RSRC1: variants seen among roughly 807,000 people sequenced by gnomAD.
RSRC1 encodes the protein arginine and serine rich coiled-coil 1.
A neutral mutation model predicts 49.1 loss-of-function variants in RSRC1; 39 were observed. That is an observed-to-expected ratio of 0.79 (90% CI 0.61 to 1.04). RSRC1 has a LOEUF of 1.04. Ranked by LOEUF, RSRC1 falls within the 50% of genes least tolerant of loss-of-function variation. The pLI, the probability that RSRC1 is intolerant of heterozygous loss-of-function variation, is 0.00. For missense variants in RSRC1, 388 were observed against 402.4 expected, an observed-to-expected ratio of 0.96 and a Z score of 0.31; for synonymous variants, 143 against 130.8, an observed-to-expected ratio of 1.09 and a Z score of -0.63.
intron 4 of RSRC1, among the ~76,000 whole-genome samples, chr3:158,252,607 T>A (rs1578246198): frequency 6.6e-6 from 1 of 152,206 alleles, no homozygotes; most frequent in Non-Finnish European, 1.5e-5. Context: ...CCTCATAAAA[T>A]GGGTTTGGAA....
chr3:158,408,757 C>T lies in RSRC1; in HGVS notation c.584-52178C>T, dbSNP rs1291376988. On this transcript the variant is annotated intron_variant, in intron 6 of 9. Transcript: ENST00000611884. ...ACTTATAAGTGGGAGCCAGGCCAGG[C>T]GTGGTGGCTCGTGCCTGTAATCCCA... Among the ~76,000 whole-genome samples the T allele has an allele frequency of 2.6e-5, 4 of 152,038 alleles. No individual in the cohort carries two copies. In the South Asian group the frequency reaches 6.2e-4, roughly 24 times the overall value.
intron 4 of RSRC1, among the ~76,000 whole-genome samples, chr3:158,210,337 T>C (rs1025955385): frequency 2.0e-5 from 3 of 152,070 alleles, no homozygotes; most frequent in African/African-American, 7.2e-5. Flanking sequence ...GGATAACATG[T>C]CTTCATGCAA....
At chr3:158,475,444 C>T (rs1286049829) in intron 7 of RSRC1, among the ~76,000 whole-genome samples, 3 of 152,076 alleles carry the variant, frequency 2.0e-5, no homozygotes, top group Non-Finnish European at 4.4e-5. Flanking sequence ...TGTTTTTTTA[C>T]AGATTGAAGG....
At chr3:158,258,982 C>T (rs1724732698) in intron 4 of RSRC1, among the ~76,000 whole-genome samples, 1 of 152,132 alleles carries the variant, frequency 6.6e-6, no homozygotes, top group Non-Finnish European at 1.5e-5. Context: ...ATTTTGTTCA[C>T]CTTCCTTACA....
intron 1 of RSRC1, among the ~76,000 whole-genome samples, chr3:158,111,823 G>A (rs931427926): frequency 6.6e-6 from 1 of 152,190 alleles, no homozygotes; most frequent in African/African-American, 2.4e-5. Flanking sequence ...CAAACTGATT[G>A]CCTGTTTTCT....
Position 158,544,274 on chromosome 3 carries a change from A to C in RSRC1, c.1004A>C (p.Ter335SerextTer5), listed in dbSNP as rs771714824. The C allele has an allele frequency of 6.3e-7, 1 of 1,589,146 alleles. No homozygotes were observed. Among genetic ancestry groups the C allele is most frequent in the South Asian group, 1.1e-5 (1 of 90,156 alleles). ...AGACTAATGGGCAGTCCTGTGGCCT[A>C]AGTAATATACATATAGTTGGATTGG... is the stretch of plus-strand genomic sequence containing the variant. ...QERLMGSPVA[*>S] Residue 335 changes from the stop codon to serine, a stop_lost, in exon 10 of 10, where the codon TAA becomes TCA. Transcript: ENST00000611884.
intron 6 of RSRC1, among the ~76,000 whole-genome samples, chr3:158,393,283 C>T (rs373709843): frequency 1.6e-4 from 24 of 151,714 alleles, no homozygotes; most frequent in Admixed American, 1.4e-3. Context: ...CGAATCAATC[C>T]GAAAGCTAGT....
chr3:158,303,245 C>A (rs1014525719), intron 5 of RSRC1: 2 of 152,160 alleles, frequency 1.3e-5, no homozygotes, highest in Non-Finnish European at 2.9e-5. Flanking sequence ...TTAAGTCGAG[C>A]TGTATGAAAA....
intron 4 of RSRC1, among the ~76,000 whole-genome samples, chr3:158,243,421 C>T (rs1312317173): frequency 1.3e-5 from 2 of 152,152 alleles, no homozygotes; most frequent in Non-Finnish European, 2.9e-5. Context: ...GTTTTTGTAA[C>T]AGTACCATGC....
rs1053865222 is a variant in RSRC1 at position 158,153,151 on chromosome 3, C to A, written c.320+29160C>A. Among the ~76,000 whole-genome samples the A allele has an allele frequency of 3.5e-4, 53 of 152,160 alleles. 1 individual carries two copies. Among genetic ancestry groups the A allele is most frequent in the Non-Finnish European group, 7.4e-5 (5 of 68,018 alleles). ...ACCTTCTGTATTTGTATTGACTGAG[C>A]AAATTCTCAGTCACATTTGCTTATT... On this transcript the variant is annotated intron_variant, in intron 3 of 9. Coordinates refer to ENST00000611884, the MANE Select transcript of RSRC1 (RefSeq NM_001271838.2).
chr3:158,253,889 A>G (rs1158185409), intron 4 of RSRC1, among the ~76,000 whole-genome samples: 2 of 151,954 alleles, frequency 1.3e-5, no homozygotes, highest in Non-Finnish European at 2.9e-5. Flanking sequence ...TACATTAGGT[A>G]TTTCTCCTAA....
At chr3:158,311,845 G>A (rs1728147179) in intron 5 of RSRC1, among the ~76,000 whole-genome samples, 1 of 151,974 alleles carries the variant, frequency 6.6e-6, no homozygotes, top group Non-Finnish European at 1.5e-5. Flanking sequence ...TAATTTTTAT[G>A]TGTCAGTTAG....
chr3:158,145,631 A>G (rs1717046212), intron 3 of RSRC1, among the ~76,000 whole-genome samples: 1 of 152,164 alleles, frequency 6.6e-6, no homozygotes, highest in Admixed American at 6.5e-5. Flanking sequence ...TTTTGGTTCC[A>G]TATGAACTTT....
intron 5 of RSRC1, among the ~76,000 whole-genome samples, chr3:158,340,665 G>A (rs966777578): frequency 4.6e-5 from 7 of 152,154 alleles, no homozygotes; most frequent in African/African-American, 1.7e-4. Context: ...TCCCAGTGTC[G>A]GGTATGTCTT....
At chr3:158,161,688 G>C (rs1333766991) in intron 3 of RSRC1, among the ~76,000 whole-genome samples, 1 of 152,104 alleles carries the variant, frequency 6.6e-6, no homozygotes, top group Non-Finnish European at 1.5e-5. Flanking sequence ...CTTGAACCTG[G>C]GAGGCAGAGG....
At chr3:158,385,128 T>C (rs1215764168) in intron 6 of RSRC1, among the ~76,000 whole-genome samples, 3 of 152,164 alleles carry the variant, frequency 2.0e-5, no homozygotes, top group Non-Finnish European at 2.9e-5. Context: ...TGAAATCATT[T>C]AGTCAGAATT....
At chr3:158,541,686 A>G (rs1159630568) in intron 8 of RSRC1, among the ~76,000 whole-genome samples, 1 of 152,244 alleles carries the variant, frequency 6.6e-6, no homozygotes, top group Non-Finnish European at 1.5e-5. Context: ...TTGAAAAACA[A>G]TAGGTGTGGA....
chr3:158,296,058 T>C (rs1165564616), intron 4 of RSRC1, among the ~76,000 whole-genome samples: 1 of 152,114 alleles, frequency 6.6e-6, no homozygotes, highest in Non-Finnish European at 1.5e-5. Flanking sequence ...ATCTGAAATA[T>C]TCTGATAAAG....
At chr3:158,143,638 T>A (rs1369628728) in intron 3 of RSRC1, among the ~76,000 whole-genome samples, 1 of 152,174 alleles carries the variant, frequency 6.6e-6, no homozygotes, top group African/African-American at 2.4e-5. Flanking sequence ...GTTACTAACA[T>A]AGTATTCTCC....
Sources: allele counts gnomAD v4.1 joint callset (sites outside exome capture counted in the v4.1 genomes callset), GRCh38; gene constraint gnomAD v4.1.1; transcripts MANE v1.5; gene names NCBI Gene and HGNC (gene_info 2026-07-23, HGNC 2026-07-21).